NNT: variants seen among roughly 807,000 people sequenced by gnomAD.
NNT encodes the protein NAD(P) transhydrogenase, mitochondrial.
NNT carries 50 observed loss-of-function variants against 104.8 expected under a neutral mutation model. That is an observed-to-expected ratio of 0.48 (90% CI 0.38 to 0.60). The LOEUF is 0.60. Among genes scored for constraint, NNT ranks in the 20% least tolerant of loss-of-function variants. The probability of loss-of-function intolerance (pLI) is 0.00; values close to 1 mark genes in which losing one functional copy is unlikely to be tolerated. For missense variants in NNT, 1,131 were observed against 1,330.7 expected (o/e 0.85, Z 2.33); for synonymous variants, 461 against 490.4 (o/e 0.94, Z 0.79).
rs755463308 is a variant in NNT, at chr5:43,704,439, C to T, written c.*35C>T. The T allele has an allele frequency of 2.5e-6, 4 of 1,609,698 alleles. No homozygotes were observed. The highest frequency in any genetic ancestry group is 1.1e-5 in the South Asian group (1 of 90,846). ...ATCAAGCTGTTAGCTAATAATGCCACCTCTGCAGTTTTGGGAACAGGCAAA... is the reference window on the plus strand; with the variant it reads ...ATCAAGCTGTTAGCTAATAATGCCATCTCTGCAGTTTTGGGAACAGGCAAA... On this transcript the variant is annotated 3_prime_UTR_variant, in exon 22 of 22. Transcript: ENST00000344920.
Position 43,613,138 on chromosome 5 carries a change from G to A in NNT, c.381+1G>A. ...GCTGGCTTCTGATTTGGTGGTCAAA[G>A]TAATTATTCCTTTTTCCTCTCCCAT... On this transcript the variant is annotated splice_donor_variant, in intron 3 of 21. Coordinates refer to ENST00000344920, the MANE Select transcript of NNT (RefSeq NM_182977.3). LOFTEE classifies it high-confidence loss of function. 6.2e-7 allele frequency: 1 copy of A among 1,608,406 alleles called. No homozygotes were observed. Among genetic ancestry groups the A allele is most frequent in the South Asian group, 1.1e-5 (1 of 90,502 alleles).
At chr5:43,662,366 T>C (rs890833704) in intron 17 of NNT, among the ~76,000 whole-genome samples, 1 of 152,186 alleles carries the variant, frequency 6.6e-6, no homozygotes, top group Non-Finnish European at 1.5e-5. Flanking sequence ...CATCTTTCTC[T>C]TATTTTTCTT....
chr5:43,648,916 C>G (rs909805536), intron 10 of NNT, among the ~76,000 whole-genome samples: 2 of 152,166 alleles, frequency 1.3e-5, no homozygotes, highest in Non-Finnish European at 2.9e-5. Context: ...ATAAATATTA[C>G]TAGATCTTTA....
chr5:43,659,285 C>G lies in NNT; in HGVS notation c.2569C>G (p.Leu857Val). 6.2e-7 allele frequency: 1 copy of G among 1,614,064 alleles called. No individual in the cohort carries two copies. Among genetic ancestry groups the G allele is most frequent in the South Asian group, 1.1e-5 (1 of 91,064 alleles). The change falls in exon 17 of 22, where the codon CTG becomes GTG. Residue 857 changes from leucine (L) to valine (V), a missense_variant. Leu to Val is a conservative substitution (Grantham distance 32). Transcript: ENST00000344920. ...CAEGFLLNNN[L>V]LTIVGALIGS... is the part of the protein sequence containing the mutation. The stretch of plus-strand genomic sequence containing the variant: ...AGAGGGCTTCCTGCTCAACAACAAT[C>G]TGCTGACCATCGTGGGTGCACTCAT...
At chr5:43,608,616 G>A (rs1012944705) in intron 1 of NNT, among the ~76,000 whole-genome samples, 17 of 152,158 alleles carry the variant, frequency 1.1e-4, no homozygotes, top group African/African-American at 3.1e-4. Context: ...CAGTTCAGAG[G>A]TCTCAGTGGA....
chr5:43,694,514 A>G (rs567333205), intron 19 of NNT, among the ~76,000 whole-genome samples: 2 of 152,152 alleles, frequency 1.3e-5, no homozygotes, highest in South Asian at 4.2e-4. Flanking sequence ...TATTGAAAGC[A>G]TTTTCTGCAT....
intron 15 of NNT, 30 bp from the exon 16 acceptor site, chr5:43,656,623 G>T (rs1317199094): frequency 6.4e-7 from 1 of 1,571,554 alleles, no homozygotes; most frequent in East Asian, 2.3e-5. Flanking sequence ...AACACATTCT[G>T]AATTGTAACT....
At chr5:43,673,535 A>G (rs1189147708) in intron 17 of NNT, among the ~76,000 whole-genome samples, 1 of 152,238 alleles carries the variant, frequency 6.6e-6, no homozygotes, top group Non-Finnish European at 1.5e-5. Flanking sequence ...GGTAGAACAT[A>G]TATTTTGATA....
At chr5:43,622,336 G>A (rs181932613) in intron 5 of NNT, among the ~76,000 whole-genome samples, 2 of 152,330 alleles carry the variant, frequency 1.3e-5, no homozygotes, top group African/African-American at 4.8e-5. Context: ...AAGGCCAGAG[G>A]AGGGGAAGGT....
intron 19 of NNT, among the ~76,000 whole-genome samples, chr5:43,692,054 A>G (rs1742311311): frequency 6.6e-6 from 1 of 152,226 alleles, no homozygotes; most frequent in South Asian, 2.1e-4. Context: ...TGGGGAGAAA[A>G]CAAAAATATG....
Position 43,650,058 on chromosome 5 carries a change from C to T in NNT, c.1607-419C>T, listed in dbSNP as rs184888087. Among the ~76,000 whole-genome samples, 252 of 152,332 alleles carry T rather than the reference C, an allele frequency of 1.7e-3. 1 individual carries two copies. Among genetic ancestry groups the T allele is most frequent in the Non-Finnish European group, 2.3e-3 (155 of 68,032 alleles). ...AGGAAAACCCAAAGCTAGGCATCCC[C>T]AGCAGGCATTTACAGTTCATGAATA... On this transcript the variant is annotated intron_variant, in intron 11 of 21. Transcript: ENST00000344920.
intron 7 of NNT, among the ~76,000 whole-genome samples, chr5:43,631,606 G>T (rs1196115448): frequency 6.6e-6 from 1 of 152,170 alleles, no homozygotes; most frequent in East Asian, 1.9e-4. Context: ...AAGAGCTAGG[G>T]ATAATTTGAA....
chr5:43,692,474 C>T (rs1001468437), intron 19 of NNT, among the ~76,000 whole-genome samples: 1 of 152,206 alleles, frequency 6.6e-6, no homozygotes, highest in South Asian at 2.1e-4. Context: ...CAGGCACCCA[C>T]CACCATGCCC....
intron 7 of NNT, among the ~76,000 whole-genome samples, chr5:43,628,856 G>C (rs1750514666): frequency 6.6e-6 from 1 of 151,956 alleles, no homozygotes; most frequent in Non-Finnish European, 1.5e-5. Context: ...CAAAGTGCTG[G>C]GATTACAGGC....
chr5:43,641,287 TA>T (rs1327168128), intron 7 of NNT, among the ~76,000 whole-genome samples: 2 of 152,142 alleles, frequency 1.3e-5, no homozygotes, highest in East Asian at 1.9e-4. Context: ...TTTTTGGCTT[TA>T]TTTTTTTCCC....
intron 7 of NNT, among the ~76,000 whole-genome samples, chr5:43,628,776 G>A (rs1365140079): frequency 6.6e-6 from 1 of 152,022 alleles, no homozygotes; most frequent in Non-Finnish European, 1.5e-5. Flanking sequence ...TAGTAGAGTC[G>A]GGGTTTTGCC....
intron 5 of NNT, among the ~76,000 whole-genome samples, chr5:43,622,843 G>A (rs1208124425): frequency 1.3e-5 from 2 of 149,844 alleles, no homozygotes; most frequent in Non-Finnish European, 3.0e-5. Flanking sequence ...GCTTTTGTGC[G>A]ATTCTGCTTT....
At chr5:43,703,709 T>C (rs1742975566) in intron 21 of NNT, among the ~76,000 whole-genome samples, 4 of 152,170 alleles carry the variant, frequency 2.6e-5, no homozygotes, top group Admixed American at 6.6e-5. Flanking sequence ...ACTTACCTCT[T>C]CCATTTTGAT....
chr5:43,653,884 T>C (rs1295952514), intron 14 of NNT, among the ~76,000 whole-genome samples: 2 of 151,596 alleles, frequency 1.3e-5, no homozygotes, highest in African/African-American at 4.9e-5. Context: ...GAACCTGGGA[T>C]GTGGAGGTTG....
Sources: allele counts gnomAD v4.1 joint callset (sites outside exome capture counted in the v4.1 genomes callset), GRCh38; gene constraint gnomAD v4.1.1; transcripts MANE v1.5; gene names NCBI Gene and HGNC (gene_info 2026-07-23, HGNC 2026-07-21).